Variants in LMAN1L observed in about 807,000 individuals in gnomAD.
The protein encoded by LMAN1L is protein ERGIC-53-like.
In LMAN1L, 60 loss-of-function variants were observed where a neutral mutation model predicts 58.3. That is an observed-to-expected ratio of 1.03 (90% CI 0.84 to 1.27). LMAN1L has a LOEUF of 1.27. Ranked by LOEUF, LMAN1L falls within the 50% of genes most tolerant of loss-of-function variation. LMAN1L has a pLI of 0.00. For synonymous variants in LMAN1L, 280 were observed against 271.6 expected (o/e 1.03, Z -0.31); for missense variants, 629 against 674.0 (o/e 0.93, Z 0.74).
Position 74,821,846 on chromosome 15 carries a change from C to A in LMAN1L, c.1077C>A (p.Cys359Ter). ...ATCCCCAGGCCCTGGATGCTTCCTGCCAGATTCCATCCACCCCAGGGAGGG... is the reference window on the plus strand; with the variant it reads ...ATCCCCAGGCCCTGGATGCTTCCTGACAGATTCCATCCACCCCAGGGAGGG... Reference protein sequence around the residue: ...PDGGWALDASCQIPSTPGRGG... With the variant: ...PDGGWALDAS Residue 359 changes from cysteine (C) to a stop codon, truncating the protein, a stop_gained, in exon 10 of 14, where the codon TGC becomes TGA. Coordinates refer to ENST00000309664, the MANE Select transcript of LMAN1L (RefSeq NM_021819.3). LOFTEE classifies it high-confidence loss of function. The A allele has an allele frequency of 6.2e-7, 1 of 1,612,738 alleles. No homozygotes were observed. The highest frequency in any genetic ancestry group is 8.5e-7 in the Non-Finnish European group (1 of 1,178,950).
chr15:74,817,562 G>A, intron 4 of LMAN1L, among the ~76,000 whole-genome samples: 1 of 152,222 alleles, frequency 6.6e-6, no homozygotes, highest in East Asian at 1.9e-4. Context: ...CCCAGAGCCT[G>A]CCGAGCCGAC....
At chr15:74,819,393 T>G in intron 6 of LMAN1L, 121 bp downstream of exon 6, 2 of 1,323,840 alleles carry the variant, frequency 1.5e-6, no homozygotes, top group South Asian at 1.5e-5. Flanking sequence ...TGGGCTTCTG[T>G]GACCCTTGGG....
At chr15:74,814,176 C>T (rs1010226872) in intron 1 of LMAN1L, among the ~76,000 whole-genome samples, 5 of 148,806 alleles carry the variant, frequency 3.4e-5, no homozygotes, top group African/African-American at 1.2e-4. Context: ...CGATTCCTAA[C>T]TAAAGCCAGG....
intron 1 of LMAN1L, 32 bp downstream of exon 1, chr15:74,813,061 C>T (rs374170856): frequency 6.3e-7 from 1 of 1,589,208 alleles, no homozygotes; most frequent in Non-Finnish European, 8.6e-7. Flanking sequence ...CAGCTATGCC[C>T]AGGGTCCCTC....
chr15:74,819,867 C>T (rs1364921663), intron 6 of LMAN1L, 177 bp from the exon 7 acceptor site: 2 of 659,610 alleles, frequency 3.0e-6, no homozygotes, highest in Non-Finnish European at 5.6e-6. Flanking sequence ...TCACCACCCA[C>T]CCGTCTACCT....
At chr15:74,821,487 A>C (rs1005816982) in intron 9 of LMAN1L, among the ~76,000 whole-genome samples, 1 of 152,220 alleles carries the variant, frequency 6.6e-6, no homozygotes, top group Non-Finnish European at 1.5e-5. Context: ...AATGACAGAA[A>C]TAGACTAGGT....
Position 74,816,316 on chromosome 15 carries a change from G to A in LMAN1L, c.330+5G>A, listed in dbSNP as rs756448595. On this transcript the variant is annotated splice_donor_5th_base_variant and intron_variant, in intron 2 of 13. Coordinates refer to ENST00000309664, the MANE Select transcript of LMAN1L (RefSeq NM_021819.3). ...CGCCGGGGAGCCCAGGGCATGGTGAGTGTCCTCTCCCAGAGCTGACAGAGC... is the reference window on the plus strand; with the variant it reads ...CGCCGGGGAGCCCAGGGCATGGTGAATGTCCTCTCCCAGAGCTGACAGAGC... 1.9e-6 allele frequency: 3 copies of A among 1,611,840 alleles called. No individual in the cohort carries two copies. Among genetic ancestry groups the A allele is most frequent in the East Asian group, 2.2e-5 (1 of 44,878 alleles).
At position 74,820,103 on chromosome 15, in the gene LMAN1L, A is replaced by G; in HGVS notation, c.774+4A>G. Reference sequence around the variant, plus strand: ...CCTGAGTGAGCCCAGCCCAGAGGTGATGCCAGCCCTGGCCTACCTGGGAAT... The same window carrying G: ...CCTGAGTGAGCCCAGCCCAGAGGTGGTGCCAGCCCTGGCCTACCTGGGAAT... On this transcript the variant is annotated splice_donor_region_variant and intron_variant, in intron 7 of 13. Coordinates refer to ENST00000309664, the MANE Select transcript of LMAN1L (RefSeq NM_021819.3). 6.2e-7 allele frequency: 1 copy of G among 1,613,432 alleles called. No homozygotes were observed. Among genetic ancestry groups the G allele is most frequent in the Non-Finnish European group, 8.5e-7 (1 of 1,179,402 alleles).
At chr15:74,824,605 G>C (rs944839390) in intron 13 of LMAN1L, 127 bp downstream of exon 13, 1 of 1,129,152 alleles carries the variant, frequency 8.9e-7, no homozygotes, top group African/African-American at 1.5e-5. Context: ...AAATCACAAA[G>C]AGCACAGTGC....
chr15:74,825,300 C>T, intron 13 of LMAN1L, 176 bp from the exon 14 acceptor site: 2 of 650,650 alleles, frequency 3.1e-6, no homozygotes, highest in Non-Finnish European at 5.4e-6. Context: ...ACAGACCTTA[C>T]ATGCCCAGGG....
chr15:74,816,643 C>G lies in LMAN1L; in HGVS notation c.450C>G (p.Ala150=). ...TCACCTCCCTGCAGGACAGTCCTGC[C>G]ATCCGTGTGCTGGCCAGCGACGGGC... ...SPAEDTQDSP[A]IRVLASDGHI... The change falls in exon 4 of 14, where the codon GCC becomes GCG. Residue 150 remains alanine, a synonymous_variant. Coordinates refer to ENST00000309664, the MANE Select transcript of LMAN1L (RefSeq NM_021819.3). 6.2e-7 allele frequency: 1 copy of G among 1,613,840 alleles called. No homozygotes were observed. Among genetic ancestry groups the G allele is most frequent in the Non-Finnish European group, 8.5e-7 (1 of 1,179,872 alleles).
At chr15:74,822,834 C>A in intron 11 of LMAN1L, 125 bp downstream of exon 11, 1 of 697,524 alleles carries the variant, frequency 1.4e-6, no homozygotes, top group East Asian at 2.7e-5. Context: ...GGAAGGGCTA[C>A]TGGTGGAGTT....
In LMAN1L at chr15:74,816,663, A is replaced by G; in HGVS notation, c.470A>G (p.Asp157Gly). The change falls in exon 4 of 14, where the codon GAC (aspartate) becomes GGC (glycine). Residue 157 changes from aspartate to glycine, a missense_variant. Asp to Gly is a moderately conservative substitution (Grantham distance 94). This residue lies in a region of LMAN1L where 573 missense variants were observed against 597.3 expected (regional missense o/e 0.96). Transcript: ENST00000309664. Reference sequence around the variant, plus strand: ...CCTGCCATCCGTGTGCTGGCCAGCGACGGGCACATCCCCTCTGAGCAGCCT... The same window carrying G: ...CCTGCCATCCGTGTGCTGGCCAGCGGCGGGCACATCCCCTCTGAGCAGCCT... Reference protein sequence around the residue: ...DSPAIRVLASDGHIPSEQPGD... With the variant: ...DSPAIRVLASGGHIPSEQPGD... 1 of 1,613,884 alleles carries G rather than the reference A, an allele frequency of 6.2e-7. No homozygotes were observed.
At chr15:74,820,403 C>T (rs976175644) in intron 7 of LMAN1L, 2 of 640,416 alleles carry the variant, frequency 3.1e-6, no homozygotes, top group South Asian at 1.9e-5. Flanking sequence ...GGAAGGCTGC[C>T]TGGAGGAGAT....
intron 1 of LMAN1L, among the ~76,000 whole-genome samples, chr15:74,814,398 G>T (rs2063880987): frequency 8.5e-6 from 1 of 117,274 alleles, no homozygotes; most frequent in African/African-American, 3.0e-5. Flanking sequence ...TTTTGAGACG[G>T]AGTCTCGTTC....
intron 9 of LMAN1L, among the ~76,000 whole-genome samples, 194 bp from the exon 10 acceptor site, chr15:74,821,632 TGGG>T (rs1402782592): frequency 1.3e-5 from 2 of 152,192 alleles, no homozygotes; most frequent in East Asian, 3.9e-4. Context: ...ATGCCCAGCC[TGGG>T]GGCCTGAGAG....
chr15:74,824,245 C>T, intron 12 of LMAN1L, 106 bp from the exon 13 acceptor site: 1 of 1,163,822 alleles, frequency 8.6e-7, no homozygotes, highest in South Asian at 1.4e-5. Context: ...CCAGGACGCC[C>T]CAAGCCTGGG....
At chr15:74,822,756 T>G (rs891038576) in intron 11 of LMAN1L, 47 bp downstream of exon 11, 2 of 1,418,762 alleles carry the variant, frequency 1.4e-6, no homozygotes, top group African/African-American at 2.8e-5. Context: ...TTCTCCGCCT[T>G]AAGTTCCTCC....
At chr15:74,819,933 C>T in intron 6 of LMAN1L, 111 bp from the exon 7 acceptor site, 1 of 1,015,214 alleles carries the variant, frequency 9.9e-7, no homozygotes, top group Non-Finnish European at 1.6e-6. Flanking sequence ...GACGGTGGCC[C>T]AAAGTCACCC....
Sources: allele counts gnomAD v4.1 joint callset (sites outside exome capture counted in the v4.1 genomes callset), GRCh38; gene constraint gnomAD v4.1.1; regional missense constraint gnomAD v4.1.1; transcripts MANE v1.5; gene names NCBI Gene and HGNC (gene_info 2026-07-23, HGNC 2026-07-21).